The following ESR1 variants were observed in gnomAD, a reference collection of about 807,000 sequenced individuals.
ESR1 encodes the protein estrogen receptor 1.
Under a neutral mutation model 52.7 loss-of-function variants are expected in ESR1, and 12 were observed. The ratio of observed to expected loss-of-function variants is 0.23; its 90% confidence interval spans 0.15 to 0.37. The LOEUF (loss-of-function observed/expected upper bound fraction) is 0.37. Among genes scored for constraint, ESR1 ranks in the 10% least tolerant of loss-of-function variants. The pLI is 1.00. For missense variants in ESR1, 584 were observed against 779.7 expected (o/e 0.75, Z 2.99); for synonymous variants, 305 against 316.8 (o/e 0.96, Z 0.39).
At chr6:151,930,171 C>T (rs183164183) in intron 3 of ESR1, among the ~76,000 whole-genome samples, 25 of 151,980 alleles carry the variant, frequency 1.6e-4, no homozygotes, top group African/African-American at 1.4e-4. Context: ...TTAGTAGAGA[C>T]GGAGTTTCTC....
At chr6:151,936,975 G>T (rs961007859) in intron 3 of ESR1, among the ~76,000 whole-genome samples, 27 of 152,070 alleles carry the variant, frequency 1.8e-4, no homozygotes, top group Non-Finnish European at 2.8e-4. Context: ...GGTTTTCAAG[G>T]CCAATACAAG....
chr6:151,803,985 A>G (rs1215435089), upstream of ESR1, among the ~76,000 whole-genome samples: 1 of 152,128 alleles, frequency 6.6e-6, no homozygotes, highest in Non-Finnish European at 1.5e-5. Context: ...TCAACGGAGG[A>G]GCCAGATCAA....
At chr6:151,970,152 G>A (rs151201779) in intron 4 of ESR1, among the ~76,000 whole-genome samples, 138 of 152,144 alleles carry the variant, frequency 9.1e-4, no homozygotes, top group Middle Eastern at 3.4e-3. Flanking sequence ...TGGAATCCAC[G>A]TTTGATTCTC....
At chr6:152,083,247 G>A (rs923933301) in intron 6 of ESR1, among the ~76,000 whole-genome samples, 1 of 152,134 alleles carries the variant, frequency 6.6e-6, no homozygotes, top group Non-Finnish European at 1.5e-5. Flanking sequence ...AAACAGCATG[G>A]TACTGGTACC....
chr6:151,795,968 G>A (rs184380879), intron 2 of ESR1, among the ~76,000 whole-genome samples: 20 of 148,746 alleles, frequency 1.3e-4, no homozygotes, highest in African/African-American at 5.0e-4. Flanking sequence ...CTAACACAGT[G>A]AAACCCCATC....
At chr6:151,922,793 T>C (rs923948273) in intron 3 of ESR1, among the ~76,000 whole-genome samples, 7 of 152,200 alleles carry the variant, frequency 4.6e-5, no homozygotes, top group African/African-American at 1.7e-4. Flanking sequence ...TCTAAGCTGA[T>C]AGTGCAAAGA....
At chr6:152,125,948 G>A (rs2053263655) in exon 7 of ESR1, 1 of 152,362 alleles carries the variant, frequency 6.6e-6, no homozygotes, top group Admixed American at 6.5e-5. Context: ...CTTTGCAAAT[G>A]AGAAAACTGA....
intron 2 of ESR1, among the ~76,000 whole-genome samples, chr6:151,722,518 G>A (rs977310439): frequency 6.6e-6 from 1 of 152,216 alleles, no homozygotes; most frequent in African/African-American, 2.4e-5. Flanking sequence ...GGTGCTGTTG[G>A]CGTGAAAGAG....
At chr6:151,712,601 C>G (rs1467360016) in intron 2 of ESR1, among the ~76,000 whole-genome samples, 1 of 152,106 alleles carries the variant, frequency 6.6e-6, no homozygotes, top group Non-Finnish European at 1.5e-5. Flanking sequence ...CTCTTTGTAG[C>G]AATTGTGAAT....
chr6:151,832,482 G>A (rs1393992678), intron 1 of ESR1, among the ~76,000 whole-genome samples: 1 of 152,166 alleles, frequency 6.6e-6, no homozygotes, highest in Non-Finnish European at 1.5e-5. Flanking sequence ...GACACAAACT[G>A]CCTCCAACTT....
rs1234737675 is a variant in ESR1, at chr6:151,847,091, C to T, written c.643+4304C>T. Among the ~76,000 whole-genome samples the T allele has an allele frequency of 3.3e-5, 5 of 152,212 alleles. No homozygotes were observed. The East Asian group carries it at 9.6e-4, about 29-fold the overall frequency. Reference sequence around the variant, plus strand: ...GAAGCTGCTCATCAGATCAGACAGACATAGCCCAGGCAAGTATTGATTTAC... The same window carrying T: ...GAAGCTGCTCATCAGATCAGACAGATATAGCCCAGGCAAGTATTGATTTAC... On this transcript the variant is annotated intron_variant, in intron 2 of 7. Coordinates refer to ENST00000206249, the MANE Select transcript of ESR1 (RefSeq NM_000125.4).
intron 2 of ESR1, among the ~76,000 whole-genome samples, chr6:151,781,438 AC>A (rs1449294474): frequency 6.6e-6 from 1 of 152,266 alleles, no homozygotes; most frequent in Non-Finnish European, 1.5e-5. Context: ...CACAGGCACC[AC>A]CTTTTAATAC....
At chr6:151,744,526 T>C (rs1428367884) in intron 2 of ESR1, among the ~76,000 whole-genome samples, 3 of 152,210 alleles carry the variant, frequency 2.0e-5, no homozygotes, top group East Asian at 3.8e-4. Flanking sequence ...CTTGAGAAAA[T>C]GTATGTTCAA....
chr6:151,869,025 A>C (rs192519658), intron 2 of ESR1, among the ~76,000 whole-genome samples: 1 of 152,174 alleles, frequency 6.6e-6, no homozygotes, highest in African/African-American at 2.4e-5. Context: ...AAAATGGCCC[A>C]GAAATTGGAA....
intron 1 of ESR1, among the ~76,000 whole-genome samples, chr6:151,819,246 A>G (rs935080425): frequency 2.0e-5 from 3 of 152,094 alleles, no homozygotes; most frequent in Non-Finnish European, 4.4e-5. Flanking sequence ...TACTGTAATC[A>G]CCAGATAATT....
chr6:151,808,514 C>A, intron 1 of ESR1, 150 bp downstream of exon 1: 1 of 594,672 alleles, frequency 1.7e-6, no homozygotes, highest in Non-Finnish European at 2.6e-6. Context: ...GCGCGCGGCC[C>A]AGCCCGGGGG....
At chr6:151,896,048 A>G (rs1795446856) in intron 3 of ESR1, among the ~76,000 whole-genome samples, 1 of 152,198 alleles carries the variant, frequency 6.6e-6, no homozygotes, top group South Asian at 2.1e-4. Flanking sequence ...TTGGCCTCTC[A>G]AAGGACTCTC....
At chr6:152,092,619 T>A (rs539385538) in intron 6 of ESR1, among the ~76,000 whole-genome samples, 1 of 152,232 alleles carries the variant, frequency 6.6e-6, no homozygotes, top group South Asian at 2.1e-4. Flanking sequence ...TGAATAGTGG[T>A]ATGACCAAAA....
chr6:151,812,321 A>C (rs1333418369), intron 1 of ESR1, among the ~76,000 whole-genome samples: 1 of 152,208 alleles, frequency 6.6e-6, no homozygotes, highest in Non-Finnish European at 1.5e-5. Context: ...AAGCTGGGAA[A>C]TAACAGATTT....
Sources: allele counts gnomAD v4.1 joint callset (sites outside exome capture counted in the v4.1 genomes callset), GRCh38; gene constraint gnomAD v4.1.1; transcripts MANE v1.5; gene names NCBI Gene and HGNC (gene_info 2026-07-23, HGNC 2026-07-21).